Variants in GSN observed in about 807,000 individuals in gnomAD.
The protein encoded by GSN is actin-depolymerizing factor.
A neutral mutation model predicts 85.7 loss-of-function variants in GSN; 56 were observed. The ratio of observed to expected loss-of-function variants is 0.65; its 90% CI spans 0.53 to 0.82. GSN has a LOEUF of 0.82. GSN is among the 40% of genes least tolerant of loss of function. The pLI, the probability that GSN is intolerant of heterozygous loss-of-function variation, is 0.00. For synonymous variants in GSN, 373 were observed against 399.1 expected (o/e 0.93, Z 0.78); for missense variants, 857 against 979.8 (o/e 0.87, Z 1.67).
At position 121,299,867 on chromosome 9, in the gene GSN, T is replaced by A; in HGVS notation, c.-9-2096T>A. The A allele has an allele frequency of 7.5e-7, 1 of 1,341,824 alleles. No individual in the cohort carries two copies. 83.1% of individuals were successfully genotyped at this position (1,341,824 alleles called of 1,614,324 possible). A position where few individuals can be genotyped will look rare whatever the true frequency, so the allele number is the denominator to read the frequency against. Reference sequence around the variant, plus strand: ...CCCCTGCCGCTGTCGCCACCATGGCTCCGCACCGCCCCGCGCCCGCGCTGC... The same window carrying A: ...CCCCTGCCGCTGTCGCCACCATGGCACCGCACCGCCCCGCGCCCGCGCTGC... On this transcript the variant is annotated intron_variant, in intron 2 of 17. Coordinates refer to ENST00000432226, the MANE Select transcript of GSN (RefSeq NM_198252.3). The surrounding 1 kb of genome is among the most constrained non-coding windows in gnomAD (Gnocchi z 4.2).
chr9:121,267,065 A>G (rs767331819), upstream of GSN, among the ~76,000 whole-genome samples: 2 of 152,148 alleles, frequency 1.3e-5, no homozygotes, highest in Non-Finnish European at 2.9e-5. Context: ...CTGGCTGAAC[A>G]TGGGGCTGCT....
intron 4 of GSN, among the ~76,000 whole-genome samples, chr9:121,220,300 G>C (rs2054146298): frequency 1.3e-5 from 2 of 152,242 alleles, no homozygotes; most frequent in Admixed American, 1.3e-4. Flanking sequence ...CTGGACACCA[G>C]CCGGGGCCGA....
intron 7 of GSN, among the ~76,000 whole-genome samples, chr9:121,316,426 T>C (rs1453310239): frequency 6.6e-6 from 1 of 152,206 alleles, no homozygotes; most frequent in African/African-American, 2.4e-5. Flanking sequence ...GGATACCAGA[T>C]TGCATTTAGC....
chr9:121,307,230 T>C (rs2060513467), intron 4 of GSN, among the ~76,000 whole-genome samples: 2 of 152,068 alleles, frequency 1.3e-5, no homozygotes, highest in Admixed American at 1.3e-4. Context: ...TTTTAAGAAG[T>C]GAGATTTATG....
chr9:121,306,109 C>T (rs1048690200), intron 4 of GSN, among the ~76,000 whole-genome samples: 3 of 152,288 alleles, frequency 2.0e-5, no homozygotes, highest in South Asian at 2.1e-4. Context: ...CGCAGACCCC[C>T]ATTTTTGGAC....
rs2054068783 is a variant in GSN at position 121,216,602 on chromosome 9, C to A, written c.-528+5735C>A. On this transcript the variant is annotated intron_variant, in intron 4 of 24. Transcript: ENST00000373823. The stretch of plus-strand genomic sequence containing the variant: ...AAGCCACTTCCTCTGTGATGCCTGC[C>A]AGGCCTTGTAATATCCTCCTACCCC... Among the ~76,000 whole-genome samples, 3 of 152,202 alleles carry A rather than the reference C, an allele frequency of 2.0e-5. No homozygotes were observed. In the South Asian group the frequency reaches 6.2e-4, roughly 31 times the overall value.
chr9:121,277,551 G>T (rs1279781667), intron 1 of GSN, among the ~76,000 whole-genome samples: 1 of 152,128 alleles, frequency 6.6e-6, no homozygotes, highest in Non-Finnish European at 1.5e-5. Context: ...ACAGTAATAG[G>T]GTCTAGCCTG....
chr9:121,218,035 T>C (rs988007803), intron 4 of GSN, among the ~76,000 whole-genome samples: 1 of 152,126 alleles, frequency 6.6e-6, no homozygotes, highest in Non-Finnish European at 1.5e-5. Context: ...TTCATTCTTT[T>C]TATGTATGTG....
At chr9:121,314,684 T>G (rs1252670596) in intron 7 of GSN, among the ~76,000 whole-genome samples, 1 of 152,148 alleles carries the variant, frequency 6.6e-6, no homozygotes, top group Non-Finnish European at 1.5e-5. Flanking sequence ...ATTCAAAATA[T>G]AAAAAGAAAA....
chr9:121,222,176 G>C (rs1450740369), intron 4 of GSN: 2 of 152,134 alleles, frequency 1.3e-5, no homozygotes, highest in African/African-American at 4.8e-5. Flanking sequence ...AGAGTAACAG[G>C]CAACTGAAAT....
intron 4 of GSN, among the ~76,000 whole-genome samples, chr9:121,303,949 G>T (rs949206689): frequency 3.9e-5 from 6 of 152,164 alleles, no homozygotes; most frequent in African/African-American, 1.4e-4. Flanking sequence ...TTAAGCAATT[G>T]GCCCAGAGTC....
chr9:121,212,404 T>C (rs1391815103), intron 4 of GSN, among the ~76,000 whole-genome samples: 1 of 152,158 alleles, frequency 6.6e-6, no homozygotes, highest in African/African-American at 2.4e-5. Context: ...TAAATGTGTG[T>C]AAAATCCCAC....
intron 7 of GSN, among the ~76,000 whole-genome samples, chr9:121,315,137 A>T (rs1330809562): frequency 6.6e-6 from 1 of 152,186 alleles, no homozygotes; most frequent in Non-Finnish European, 1.5e-5. Context: ...CTGGGATTAC[A>T]GACCTGAGCC....
intron 1 of GSN, chr9:121,281,189 G>A (rs55684735): frequency 0.21 from 40,043 of 189,292 alleles, 4,944 homozygotes; most frequent in African/African-American, 0.35. Context: ...ACCTGTTCTG[G>A]CTGACCCAAA....
chr9:121,242,310 A>C (rs2054619822), intron 5 of GSN, among the ~76,000 whole-genome samples: 1 of 152,198 alleles, frequency 6.6e-6, no homozygotes, highest in Non-Finnish European at 1.5e-5. Context: ...AACAGGGAGG[A>C]AACAGAAAAG....
chr9:121,290,494 G>C (rs2058582613), intron 2 of GSN, among the ~76,000 whole-genome samples: 1 of 152,166 alleles, frequency 6.6e-6, no homozygotes, highest in Non-Finnish European at 1.5e-5. Flanking sequence ...GTAGTCAAAA[G>C]TTTTAGATAA....
intron 4 of GSN, among the ~76,000 whole-genome samples, chr9:121,224,994 T>G (rs1331936676): frequency 6.6e-6 from 1 of 152,038 alleles, no homozygotes; most frequent in Admixed American, 6.6e-5. Context: ...ATTTTTAAAA[T>G]TATTTGTTGA....
chr9:121,224,753 A>G (rs895714112), intron 4 of GSN, among the ~76,000 whole-genome samples: 12 of 151,500 alleles, frequency 7.9e-5, no homozygotes, highest in East Asian at 1.9e-4. Flanking sequence ...AAAAAAAAAA[A>G]AAAAGAAAAG....
chr9:121,213,578 G>C (rs1232674997), intron 4 of GSN, among the ~76,000 whole-genome samples: 4 of 152,190 alleles, frequency 2.6e-5, no homozygotes, highest in African/African-American at 9.7e-5. Context: ...GGTGGGCTTG[G>C]ATTAAAATCC....
Sources: allele counts gnomAD v4.1 joint callset (sites outside exome capture counted in the v4.1 genomes callset), GRCh38; gene constraint gnomAD v4.1.1; non-coding constraint Gnocchi (gnomAD v3.1); transcripts MANE v1.5; gene names NCBI Gene and HGNC (gene_info 2026-07-23, HGNC 2026-07-21).